SPOCK2: variants seen among roughly 807,000 people sequenced by gnomAD.
SPOCK2 encodes the protein SPARC (osteonectin), cwcv and kazal like domains proteoglycan 2, also known as testican-2.
SPOCK2 carries 39 observed loss-of-function variants against 60.1 expected under a neutral mutation model. That is an observed-to-expected ratio of 0.65 (90% CI 0.50 to 0.85). The LOEUF (loss-of-function observed/expected upper bound fraction) is 0.85, where lower values mean the gene tolerates loss of function less well. SPOCK2 is among the 40% of genes least tolerant of loss of function. SPOCK2 has a pLI of 0.00. For missense variants in SPOCK2, 523 were observed against 567.4 expected (o/e 0.92, Z 0.80); for synonymous variants, 217 against 231.5 (o/e 0.94, Z 0.57).
At position 72,062,640 on chromosome 10, in the gene SPOCK2, A is replaced by AGTCCCC; in HGVS notation, c.*114_*119dup. ...ACATGCCATGCACACTCACACTCCCAGTCCCCCCAGGTGGAGCAGGGTCCT... is the reference window on the plus strand; with the variant it reads ...ACATGCCATGCACACTCACACTCCCAGTCCCCGTCCCCCCAGGTGGAGCAGGGTCCT... On this transcript the variant is annotated 3_prime_UTR_variant, in exon 11 of 11. Transcript: ENST00000373109. The surrounding 1 kb of genome is among the most constrained non-coding windows in gnomAD (Gnocchi z 4.3). The AGTCCCC allele has an allele frequency of 6.7e-7, 1 of 1,502,012 alleles. No homozygotes were observed. Among genetic ancestry groups the AGTCCCC allele is most frequent in the Non-Finnish European group, 8.8e-7 (1 of 1,132,644 alleles). 93.0% of individuals were successfully genotyped at this position (1,502,012 alleles called of 1,614,324 possible).
At chr10:72,073,233 T>C (rs1480865677) in intron 1 of SPOCK2, among the ~76,000 whole-genome samples, 1 of 152,290 alleles carries the variant, frequency 6.6e-6, no homozygotes, top group East Asian at 1.9e-4. Flanking sequence ...GAGGTGCCCA[T>C]GCTGCGTAGG....
In SPOCK2 at chr10:72,087,371, C is replaced by T. The variant is rs1304417039; in HGVS notation, c.189+769G>A. 2.0e-5 allele frequency among the ~76,000 whole-genome samples: 3 copies of T among 152,180 alleles called. No homozygotes were observed. Among genetic ancestry groups the T allele is most frequent in the Non-Finnish European group, 4.4e-5 (3 of 68,026 alleles). ...GCCCGCCGGGGGCCCCCAAACCCAG[C>T]TTCTGGACTCTCCCCGGCTTCTCAA... is the stretch of plus-strand genomic sequence containing the variant. On this transcript the variant is annotated intron_variant, in intron 1 of 10. Transcript: ENST00000373109. This position sits in a 1 kb window ranked among gnomAD's most constrained non-coding sequence, Gnocchi z 4.7.
upstream of SPOCK2, chr10:72,088,621 T>TAA (rs34679894): frequency 8.8e-4 from 160 of 181,970 alleles, no homozygotes; most frequent in African/African-American, 2.2e-3. Flanking sequence ...ATACCTGGTT[T>TAA]AAAAAAAAAA....
intron 1 of SPOCK2, among the ~76,000 whole-genome samples, chr10:72,083,914 G>A (rs977896343): frequency 5.3e-5 from 8 of 152,140 alleles, no homozygotes; most frequent in African/African-American, 1.9e-4. Context: ...AGACGTCGGC[G>A]CAGCGCATCC....
rs1173090716 is a variant in SPOCK2, at chr10:72,083,506, T to C, written c.189+4634A>G. On this transcript the variant is annotated intron_variant, in intron 1 of 10. Transcript: ENST00000373109. ...CTTGGGGCTTAGGGTAGGACAGAGCTCTTCTGTGCTCCAGGTAGCCTTCTG... is the reference window on the plus strand; with the variant it reads ...CTTGGGGCTTAGGGTAGGACAGAGCCCTTCTGTGCTCCAGGTAGCCTTCTG... 2.0e-5 allele frequency among the ~76,000 whole-genome samples: 3 copies of C among 152,184 alleles called. 1 individual carries two copies. The highest frequency in any genetic ancestry group is 2.0e-4 in the Admixed American group (3 of 15,286).
intron 1 of SPOCK2, among the ~76,000 whole-genome samples, chr10:72,080,883 C>A (rs1422389520): frequency 2.0e-5 from 3 of 152,192 alleles, no homozygotes; most frequent in Non-Finnish European, 4.4e-5. Flanking sequence ...GACCTCCCTG[C>A]TGGTCCAGTG....
At chr10:72,073,475 C>A (rs1430943537) in intron 1 of SPOCK2, among the ~76,000 whole-genome samples, 3 of 152,200 alleles carry the variant, frequency 2.0e-5, no homozygotes, top group Admixed American at 6.5e-5. Context: ...AGGGAGGAGG[C>A]CATGCCTGTG....
intron 3 of SPOCK2, 119 bp from the exon 4 acceptor site, chr10:72,072,377 T>C (rs1011531237): frequency 3.3e-6 from 5 of 1,500,216 alleles, no homozygotes; most frequent in Non-Finnish European, 4.5e-6. Flanking sequence ...GCTCCTGAGC[T>C]CAGGAGTCCC....
intron 1 of SPOCK2, among the ~76,000 whole-genome samples, chr10:72,085,732 C>T (rs181481429): frequency 3.9e-5 from 6 of 152,298 alleles, no homozygotes; most frequent in Admixed American, 2.0e-4. Flanking sequence ...GGGGTTCAAA[C>T]GAAATTCCCC....
chr10:72,086,351 C>A, intron 1 of SPOCK2: 1 of 997,216 alleles, frequency 1.0e-6, no homozygotes, highest in Admixed American at 5.4e-5. Context: ...TTCTCACCCA[C>A]GGAGCTGGCT....
Position 72,072,892 on chromosome 10 carries a change from C to A in SPOCK2, c.198+10G>T. 6.4e-7 allele frequency: 1 copy of A among 1,554,298 alleles called. No homozygotes were observed. The highest frequency in any genetic ancestry group is 8.7e-7 in the Non-Finnish European group (1 of 1,148,480). On this transcript the variant is annotated intron_variant, in intron 2 of 10. Coordinates refer to ENST00000373109, the MANE Select transcript of SPOCK2 (RefSeq NM_001244950.2). ...AGACCACACAGAGTGGGGTCCTGGG[C>A]AGTACTCACCTCCACTTCCTGGAGA... is the stretch of plus-strand genomic sequence containing the variant.
chr10:72,082,751 G>A (rs1164624841), intron 1 of SPOCK2, among the ~76,000 whole-genome samples: 1 of 151,776 alleles, frequency 6.6e-6, no homozygotes, highest in Non-Finnish European at 1.5e-5. Context: ...CTACTTGGGA[G>A]GCTGAGGTGG....
intron 1 of SPOCK2, among the ~76,000 whole-genome samples, chr10:72,075,209 A>G (rs1840700817): frequency 6.6e-6 from 1 of 152,098 alleles, no homozygotes; most frequent in African/African-American, 2.4e-5. Flanking sequence ...CATGATGACA[A>G]GGGTTGGGGC....
At chr10:72,069,468 CTTTTTTT>C (rs869082110) in intron 5 of SPOCK2, among the ~76,000 whole-genome samples, 1 of 138,602 alleles carries the variant, frequency 7.2e-6, no homozygotes, top group African/African-American at 2.6e-5. Flanking sequence ...TTCTATGTTA[CTTTTTTT>C]TTTTTTTTTT....
chr10:72,086,783 A>T, intron 1 of SPOCK2: 1 of 1,494,786 alleles, frequency 6.7e-7, no homozygotes, highest in South Asian at 1.3e-5. Context: ...ACAACCTGCC[A>T]GTTTGACTTT....
At chr10:72,078,206 A>G (rs770969897) in intron 1 of SPOCK2, among the ~76,000 whole-genome samples, 15 of 152,182 alleles carry the variant, frequency 9.9e-5, no homozygotes, top group Non-Finnish European at 1.5e-4. Flanking sequence ...AAAAAACATA[A>G]TCATAATCAT....
Position 72,061,770 on chromosome 10 carries a change from G to A in SPOCK2, c.*990C>T, listed in dbSNP as rs1394893378. ...TGTAACCACCACCCAGTGTCCCCAA[G>A]AGAGCAGCCCAGATCATGGCTCCAC... On this transcript the variant is annotated 3_prime_UTR_variant, in exon 11 of 11. Transcript: ENST00000373109. 6.5e-6 allele frequency: 1 copy of A among 152,800 alleles called. No individual in the cohort carries two copies. Among genetic ancestry groups the A allele is most frequent in the Non-Finnish European group, 1.5e-5 (1 of 68,484 alleles). 9.5% of individuals were successfully genotyped at this position (152,800 alleles called of 1,614,324 possible).
In SPOCK2 at chr10:72,087,266, G is replaced by A. The variant is rs919916017; in HGVS notation, c.189+874C>T. ...ACTTCCCCTCTGATCCACAGGTGCC[G>A]GTAAACAAAAGTGCCGCAGCTACCC... On this transcript the variant is annotated intron_variant, in intron 1 of 10. Transcript: ENST00000373109. The surrounding 1 kb of genome is among the most constrained non-coding windows in gnomAD (Gnocchi z 4.7). Among the ~76,000 whole-genome samples, 1 of 151,750 alleles carries A rather than the reference G, an allele frequency of 6.6e-6. No homozygotes were observed. The highest frequency in any genetic ancestry group is 1.5e-5 in the Non-Finnish European group (1 of 67,958).
Position 72,068,191 on chromosome 10 carries a change from T to A in SPOCK2, c.585A>T (p.Lys195Asn). ...GTGGCCCAGCACTGTCCTCACCTGG[T>A]TTGCCATCGGCGGTGGAGGTGGCAG... ...EQAATSTADGKPETCTGQDLA... is the reference protein window; with the variant it reads ...EQAATSTADGNPETCTGQDLA... The change falls in exon 6 of 11, where the codon AAA becomes AAT. Residue 195 changes from lysine (K) to asparagine (N), a missense_variant. By Grantham distance (94) the Lys-to-Asn change is moderately conservative (BLOSUM62 0). Coordinates refer to ENST00000373109, the MANE Select transcript of SPOCK2 (RefSeq NM_001244950.2). The A allele has an allele frequency of 1.2e-6, 2 of 1,609,050 alleles. No homozygotes were observed. Among genetic ancestry groups the A allele is most frequent in the Non-Finnish European group, 1.7e-6 (2 of 1,178,132 alleles).
Sources: gnomAD v4.1 joint callset for allele counts (sites outside exome capture counted in the v4.1 genomes callset) on GRCh38, gnomAD v4.1.1 for gene constraint, Gnocchi (gnomAD v3.1) non-coding constraint, MANE v1.5 for transcripts, NCBI Gene and HGNC (gene_info 2026-07-23, HGNC 2026-07-21) for gene names.